Variants in TRPM1 observed in about 807,000 individuals in gnomAD.
TRPM1 encodes TRPM1-203 APA Isoform, Intron 10.
Under a neutral mutation model 149.4 loss-of-function variants are expected in TRPM1, and 113 were observed. The ratio of observed to expected loss-of-function variants is 0.76; its 90% CI spans 0.65 to 0.88. The LOEUF (loss-of-function observed/expected upper bound fraction) is 0.88, where lower values mean the gene tolerates loss of function less well. TRPM1 is among the 40% of genes least tolerant of loss of function. The probability of loss-of-function intolerance (pLI) is 0.00; values close to 1 mark genes in which losing one functional copy is unlikely to be tolerated. For synonymous variants in TRPM1, 741 were observed against 759.5 expected (o/e 0.98, Z 0.40); for missense variants, 1,976 against 2,038.7 (o/e 0.97, Z 0.59).
intron 20 of TRPM1, 35 bp from the exon 21 acceptor site, chr15:31,035,709 G>T (rs1323852767): frequency 1.9e-6 from 3 of 1,614,006 alleles, no homozygotes; most frequent in Non-Finnish European, 2.5e-6. Context: ...CGTGTTTGGG[G>T]GAATCACATA....
chr15:31,032,433 T>C (rs947678632), intron 22 of TRPM1, among the ~76,000 whole-genome samples: 12 of 152,272 alleles, frequency 7.9e-5, no homozygotes, highest in Admixed American at 1.3e-4. Context: ...ATACAGTGAA[T>C]GTATATACAC....
In TRPM1 at chr15:31,077,004, G is replaced by C; in HGVS notation, c.4-20C>G. The C allele has an allele frequency of 6.4e-7, 1 of 1,555,680 alleles. No individual in the cohort carries two copies. On this transcript the variant is annotated intron_variant, in intron 2 of 27. Coordinates refer to ENST00000256552, the MANE Select transcript of TRPM1 (RefSeq NM_001252024.2). ...CTGACCCTGGAAGAGAGAGAGAAGT[G>C]GATATTGGACCAATACATTCCCAAG...
At chr15:31,161,036 T>G (rs546567742) in exon 1 of TRPM1, 1 of 1,403,202 alleles carries the variant, frequency 7.1e-7, no homozygotes, top group East Asian at 2.5e-5. Context: ...CTGCCCTCCC[T>G]GGGTGGGCAG....
chr15:31,015,190 T>C (rs1312898062), intron 27 of TRPM1, among the ~76,000 whole-genome samples: 1 of 151,994 alleles, frequency 6.6e-6, no homozygotes, highest in East Asian at 1.9e-4. Context: ...GTGGATCACC[T>C]GAGGTCAGGA....
intron 1 of TRPM1, among the ~76,000 whole-genome samples, chr15:31,140,740 C>T (rs1049190804): frequency 6.6e-6 from 1 of 152,228 alleles, no homozygotes; most frequent in Non-Finnish European, 1.5e-5. Flanking sequence ...AAACAAACCT[C>T]TTTTCTTTAT....
At chr15:31,041,910 G>T in intron 17 of TRPM1, 41 bp downstream of exon 17, 1 of 1,607,766 alleles carries the variant, frequency 6.2e-7, no homozygotes, top group Non-Finnish European at 8.5e-7. Context: ...TACTCAGGAT[G>T]GTCATCTCTC....
At chr15:31,009,034 A>C (rs1289886187) in intron 27 of TRPM1, among the ~76,000 whole-genome samples, 1 of 152,124 alleles carries the variant, frequency 6.6e-6, no homozygotes, top group East Asian at 1.9e-4. Context: ...TTCCAAGTTC[A>C]ATTCTGGTAT....
At chr15:31,117,350 G>A (rs1395483697) in intron 1 of TRPM1, among the ~76,000 whole-genome samples, 2 of 152,176 alleles carry the variant, frequency 1.3e-5, no homozygotes, top group Non-Finnish European at 2.9e-5. Context: ...GCTGGGCATG[G>A]TGGCACGAGC....
Position 31,040,384 on chromosome 15 carries a change from T to A in TRPM1, c.2088-38A>T. ...AGAAGGGACCAGGGTGAAGCCACAG[T>A]GGCCGCAAGCTGTTTCTTAGACAGG... On this transcript the variant is annotated intron_variant, in intron 17 of 27. Transcript: ENST00000256552. This position sits in a 1 kb window ranked among gnomAD's most constrained non-coding sequence, Gnocchi z 4.2. 1.3e-6 allele frequency: 2 copies of A among 1,576,950 alleles called. No homozygotes were observed. Among genetic ancestry groups the A allele is most frequent in the Non-Finnish European group, 1.7e-6 (2 of 1,146,534 alleles).
At chr15:31,069,233 T>C (rs2034463081) in intron 4 of TRPM1, 1 of 185,500 alleles carries the variant, frequency 5.4e-6, no homozygotes, top group Admixed American at 6.5e-5. Flanking sequence ...TGTTGTTGAG[T>C]AAATGGGTCA....
At chr15:31,148,512 A>G (rs992296318) in intron 1 of TRPM1, among the ~76,000 whole-genome samples, 8 of 152,224 alleles carry the variant, frequency 5.3e-5, no homozygotes, top group Non-Finnish European at 7.3e-5. Context: ...GTGAATTTCA[A>G]TGGAGCTTCA....
intron 1 of TRPM1, among the ~76,000 whole-genome samples, chr15:31,156,450 G>A (rs1265011819): frequency 2.6e-5 from 4 of 152,086 alleles, no homozygotes; most frequent in Non-Finnish European, 4.4e-5. Context: ...GGCCACCTAA[G>A]AGACATCATC....
chr15:31,031,615 A>G (rs1266369384), intron 22 of TRPM1, among the ~76,000 whole-genome samples: 1 of 152,232 alleles, frequency 6.6e-6, no homozygotes, highest in Admixed American at 6.5e-5. Flanking sequence ...TACTGTGGAT[A>G]CTAAACTGGT....
chr15:31,015,160 C>A (rs1595978622), intron 27 of TRPM1, among the ~76,000 whole-genome samples: 1 of 368 alleles, frequency 2.7e-3, no homozygotes, highest in African/African-American at 9.3e-3. Flanking sequence ...GTAATCCCAG[C>A]ATTTGGGAGG....
chr15:31,089,042 A>G lies in TRPM1; in HGVS notation c.-83-7604T>C, dbSNP rs78845684. On this transcript the variant is annotated intron_variant, in intron 1 of 27. Coordinates refer to ENST00000256552, the MANE Select transcript of TRPM1 (RefSeq NM_001252024.2). ...TGAGGCACTCAAATGGGGGTATCAG[A>G]AATCCAGTAATTAGGATAAGTAACA... Among the ~76,000 whole-genome samples, 436 of 152,346 alleles carry G rather than the reference A, an allele frequency of 2.9e-3. 3 individuals carry two copies. Among genetic ancestry groups the G allele is most frequent in the African/African-American group, 1.0e-2 (415 of 41,570 alleles).
chr15:31,036,292 G>A (rs12914747), intron 20 of TRPM1, among the ~76,000 whole-genome samples: 18,812 of 152,126 alleles, frequency 0.12, 1,291 homozygotes, highest in Admixed American at 0.15. Flanking sequence ...GAGGACGTCT[G>A]AAGTAGATCA....
chr15:31,113,248 G>C (rs200589282), intron 1 of TRPM1, among the ~76,000 whole-genome samples: 1 of 152,142 alleles, frequency 6.6e-6, no homozygotes, highest in Non-Finnish European at 1.5e-5. Context: ...AAGAAAGGGA[G>C]GGCTCCACAG....
chr15:31,062,516 A>G (rs992422529), intron 9 of TRPM1, 63 bp downstream of exon 9: 3 of 1,604,120 alleles, frequency 1.9e-6, no homozygotes, highest in Non-Finnish European at 1.7e-6. Flanking sequence ...CATGGGCGGA[A>G]TTAGAAAAGG....
chr15:31,053,231 A>T (rs1052883046), intron 11 of TRPM1, among the ~76,000 whole-genome samples: 1 of 152,098 alleles, frequency 6.6e-6, no homozygotes, highest in Non-Finnish European at 1.5e-5. Flanking sequence ...TCTCACACCC[A>T]TTAAGATGGC....
Sources: gnomAD v4.1 joint callset for allele counts (sites outside exome capture counted in the v4.1 genomes callset) on GRCh38, gnomAD v4.1.1 for gene constraint, Gnocchi (gnomAD v3.1) non-coding constraint, MANE v1.5 for transcripts, NCBI Gene and HGNC (gene_info 2026-07-23, HGNC 2026-07-21) for gene names.